The following FAT3 variants were observed in gnomAD, a reference collection of about 807,000 sequenced individuals.
FAT3 encodes FAT atypical cadherin 3.
In FAT3, 95 loss-of-function variants were observed where a neutral mutation model predicts 310.2. The ratio of observed to expected loss-of-function variants is 0.31; its 90% CI spans 0.26 to 0.36. The LOEUF (loss-of-function observed/expected upper bound fraction) is 0.36, where lower values mean the gene tolerates loss of function less well. FAT3 is among the 10% of genes least tolerant of loss of function. The pLI is 1.00. For missense variants in FAT3, 5,408 were observed against 5,715.6 expected, an observed-to-expected ratio of 0.95 and a Z score of 1.74; for synonymous variants, 2,314 against 2,192.9, an observed-to-expected ratio of 1.06 and a Z score of -1.54.
chr11:92,708,519 T>C (rs1008736858), intron 4 of FAT3, among the ~76,000 whole-genome samples: 2 of 152,250 alleles, frequency 1.3e-5, no homozygotes, highest in African/African-American at 4.8e-5. Flanking sequence ...GGTGAGGATA[T>C]TTACACTGCA....
chr11:92,285,171 T>A (rs1946528839), intron 1 of FAT3, among the ~76,000 whole-genome samples: 2 of 152,120 alleles, frequency 1.3e-5, no homozygotes, highest in Admixed American at 1.3e-4. Flanking sequence ...AGAAGACTGA[T>A]GTCTTCCATT....
intron 3 of FAT3, among the ~76,000 whole-genome samples, chr11:92,629,636 C>G (rs774175533): frequency 6.6e-6 from 1 of 152,080 alleles, no homozygotes; most frequent in Non-Finnish European, 1.5e-5. Flanking sequence ...GTCTCAAACT[C>G]TTGGTCTCAA....
At chr11:92,392,901 G>A (rs1057408735) in intron 2 of FAT3, among the ~76,000 whole-genome samples, 5 of 152,124 alleles carry the variant, frequency 3.3e-5, no homozygotes, top group African/African-American at 1.2e-4. Flanking sequence ...CTGATGAAGA[G>A]GAGTCTGAGC....
At chr11:92,412,744 TAAATATACATAC>T (rs1950318008) in intron 2 of FAT3, among the ~76,000 whole-genome samples, 10 of 32,942 alleles carry the variant, frequency 3.0e-4, no homozygotes, top group African/African-American at 5.8e-4. Flanking sequence ...TATATATATA[TAAATATACATAC>T]ATATATATAT....
At chr11:92,881,288 C>A (rs774677813) in intron 23 of FAT3, among the ~76,000 whole-genome samples, 1 of 152,180 alleles carries the variant, frequency 6.6e-6, no homozygotes, top group South Asian at 2.1e-4. Flanking sequence ...GATACTGAAA[C>A]TTACCTTCCC....
chr11:92,569,069 T>C (rs1375758057), intron 3 of FAT3, among the ~76,000 whole-genome samples: 4 of 152,178 alleles, frequency 2.6e-5, no homozygotes, highest in African/African-American at 9.6e-5. Flanking sequence ...GTCACATAAC[T>C]GAACTTCACT....
intron 3 of FAT3, among the ~76,000 whole-genome samples, chr11:92,568,289 T>C (rs1955545226): frequency 6.6e-6 from 1 of 152,178 alleles, no homozygotes; most frequent in African/African-American, 2.4e-5. Flanking sequence ...TTACTGGTAT[T>C]AATATGCATA....
intron 3 of FAT3, among the ~76,000 whole-genome samples, chr11:92,539,288 A>G (rs987596205): frequency 6.6e-6 from 1 of 152,198 alleles, no homozygotes; most frequent in Non-Finnish European, 1.5e-5. Flanking sequence ...TTATTGCCCA[A>G]TGAAATGACT....
chr11:92,702,351 G>A (rs1944123913), intron 4 of FAT3, among the ~76,000 whole-genome samples: 2 of 152,166 alleles, frequency 1.3e-5, no homozygotes, highest in Non-Finnish European at 2.9e-5. Context: ...CCTTGAAGGG[G>A]AGAGAATTAA....
At chr11:92,851,986 T>C (rs1177745016) in intron 19 of FAT3, among the ~76,000 whole-genome samples, 1 of 152,178 alleles carries the variant, frequency 6.6e-6, no homozygotes, top group Non-Finnish European at 1.5e-5. Context: ...ATGTGATTTC[T>C]AAAAGCGAGT....
chr11:92,653,344 T>C (rs2135767807), intron 3 of FAT3, among the ~76,000 whole-genome samples: 2 of 152,214 alleles, frequency 1.3e-5, no homozygotes, highest in South Asian at 4.2e-4. Flanking sequence ...TGGTGGCACT[T>C]TCTGTCATGC....
intron 3 of FAT3, among the ~76,000 whole-genome samples, chr11:92,558,422 G>A (rs969867957): frequency 6.6e-6 from 1 of 151,720 alleles, no homozygotes; most frequent in African/African-American, 2.4e-5. Flanking sequence ...GTGTGTGTGT[G>A]TATGCACGTG....
chr11:92,881,657 AT>A (rs1295637755), intron 23 of FAT3, among the ~76,000 whole-genome samples: 1 of 152,190 alleles, frequency 6.6e-6, no homozygotes, highest in East Asian at 1.9e-4. Context: ...TAAAAGGTAG[AT>A]TACCAAAAAT....
intron 3 of FAT3, among the ~76,000 whole-genome samples, chr11:92,602,545 T>C (rs1342181764): frequency 6.6e-6 from 1 of 152,222 alleles, no homozygotes; most frequent in Non-Finnish European, 1.5e-5. Context: ...GACTTTTGAG[T>C]CTATGCTACT....
At chr11:92,653,554 A>C (rs1301107715) in intron 3 of FAT3, among the ~76,000 whole-genome samples, 1 of 152,178 alleles carries the variant, frequency 6.6e-6, no homozygotes, top group Non-Finnish European at 1.5e-5. Flanking sequence ...AAAATTTACT[A>C]AAATATAAAT....
chr11:92,771,797 G>A (rs1946464219), intron 6 of FAT3, among the ~76,000 whole-genome samples: 3 of 151,568 alleles, frequency 2.0e-5, no homozygotes, highest in African/African-American at 7.3e-5. Flanking sequence ...GCCAAAAATG[G>A]TATTTGATAT....
At chr11:92,418,826 C>A (rs1950475151) in intron 2 of FAT3, among the ~76,000 whole-genome samples, 1 of 152,090 alleles carries the variant, frequency 6.6e-6, no homozygotes, top group South Asian at 2.1e-4. Context: ...TGGGAATTGC[C>A]TTGGTGCTGT....
chr11:92,324,456 G>A (rs908374602), intron 1 of FAT3, among the ~76,000 whole-genome samples: 7 of 152,168 alleles, frequency 4.6e-5, no homozygotes, highest in Admixed American at 6.5e-5. Context: ...AGGGAGGCCC[G>A]AGGAGAGGGA....
chr11:92,806,682 C>A (rs1436620284), intron 12 of FAT3, among the ~76,000 whole-genome samples, 167 bp downstream of exon 12: 1 of 152,156 alleles, frequency 6.6e-6, no homozygotes, highest in African/African-American at 2.4e-5. Context: ...AATGAACTGA[C>A]CACAGACAGA....
Sources: allele counts gnomAD v4.1 joint callset (sites outside exome capture counted in the v4.1 genomes callset), GRCh38; gene constraint gnomAD v4.1.1; transcripts MANE v1.5; gene names NCBI Gene and HGNC (gene_info 2026-07-23, HGNC 2026-07-21).